MAP7: variants seen among roughly 807,000 people sequenced by gnomAD.
MAP7 encodes ensconsin.
In MAP7, 52 loss-of-function variants were observed where a neutral mutation model predicts 94.8. That is an observed-to-expected ratio of 0.55 (90% CI 0.44 to 0.69). MAP7 has a LOEUF of 0.69. Among genes scored for constraint, MAP7 ranks in the 30% least tolerant of loss-of-function variants. The pLI, the probability that MAP7 is intolerant of heterozygous loss-of-function variation, is 0.00. For synonymous variants in MAP7, 350 were observed against 357.0 expected (o/e 0.98, Z 0.22); for missense variants, 940 against 964.6 (o/e 0.97, Z 0.34).
At chr6:136,482,973 T>A (rs1813379568) in intron 1 of MAP7, among the ~76,000 whole-genome samples, 1 of 152,152 alleles carries the variant, frequency 6.6e-6, no homozygotes, top group African/African-American at 2.4e-5. Context: ...GGTTTTTTCA[T>A]TCTGTACAAG....
At chr6:136,345,653 G>A (rs903256956) in intron 17 of MAP7, among the ~76,000 whole-genome samples, 1 of 152,218 alleles carries the variant, frequency 6.6e-6, no homozygotes, top group African/African-American at 2.4e-5. Flanking sequence ...CTGACTGAGA[G>A]AATAGGAGAG....
At chr6:136,477,899 A>G (rs1811454228) in intron 1 of MAP7, among the ~76,000 whole-genome samples, 1 of 152,226 alleles carries the variant, frequency 6.6e-6, no homozygotes, top group Admixed American at 6.5e-5. Context: ...GTTGGAACAT[A>G]TGTTAGGCCA....
chr6:136,345,503 G>A (rs183346233), intron 17 of MAP7, among the ~76,000 whole-genome samples: 9 of 152,258 alleles, frequency 5.9e-5, no homozygotes, highest in East Asian at 1.9e-4. Context: ...GCACTAGGCC[G>A]GATGGTCCAA....
chr6:136,545,739 A>T (rs969196325), intron 1 of MAP7, among the ~76,000 whole-genome samples: 4 of 150,400 alleles, frequency 2.7e-5, no homozygotes, highest in Non-Finnish European at 4.4e-5. Flanking sequence ...TTATTTTTTT[A>T]TTTTTTAAAT....
At position 136,525,975 on chromosome 6, in the gene MAP7, CTTGTT is replaced by C. The variant is rs1562488276; in HGVS notation, c.67+24362_67+24366del. ...AGCTGATCCAGGCATACCGCTGCTACTTGTTTTTTTTTTTTTTAATTGTGATTATA... is the reference window on the plus strand; with the variant it reads ...AGCTGATCCAGGCATACCGCTGCTACTTTTTTTTTTTTAATTGTGATTATA... On this transcript the variant is annotated intron_variant, in intron 1 of 17. Coordinates refer to ENST00000354570, the MANE Select transcript of MAP7 (RefSeq NM_003980.6). The C allele has an allele frequency of 2.1e-6, 3 of 1,459,500 alleles. No individual in the cohort carries two copies. In the East Asian group the frequency reaches 7.8e-5, roughly 38 times the overall value. 90.4% of individuals were successfully genotyped at this position (1,459,500 alleles called of 1,614,324 possible).
intron 16 of MAP7, among the ~76,000 whole-genome samples, chr6:136,348,260 A>C (rs958124528): frequency 6.6e-6 from 1 of 152,186 alleles, no homozygotes; most frequent in Non-Finnish European, 1.5e-5. Context: ...GCCTGCATGT[A>C]CTAACAAGTC....
chr6:136,349,112 C>A (rs1788454597), intron 16 of MAP7, among the ~76,000 whole-genome samples: 1 of 152,070 alleles, frequency 6.6e-6, no homozygotes, highest in South Asian at 2.1e-4. Flanking sequence ...GATCCGTATC[C>A]TTTGTTTCCT....
intron 1 of MAP7, among the ~76,000 whole-genome samples, chr6:136,455,440 A>G (rs1802596561): frequency 6.6e-6 from 1 of 152,140 alleles, no homozygotes; most frequent in African/African-American, 2.4e-5. Context: ...CAGACAGAAA[A>G]TCAATAAGAA....
chr6:136,392,284 G>T (rs142166193), intron 3 of MAP7, among the ~76,000 whole-genome samples: 12 of 151,574 alleles, frequency 7.9e-5, no homozygotes, highest in East Asian at 7.8e-4. Flanking sequence ...TTGCCATATT[G>T]CCCAGGCTGG....
intron 1 of MAP7, among the ~76,000 whole-genome samples, chr6:136,518,132 G>A (rs574719374): frequency 6.6e-6 from 1 of 152,226 alleles, no homozygotes; most frequent in Non-Finnish European, 1.5e-5. Flanking sequence ...TAGAATGACA[G>A]GTTCTGCTGA....
intron 8 of MAP7, among the ~76,000 whole-genome samples, chr6:136,370,120 T>C (rs916579496): frequency 1.2e-4 from 18 of 152,186 alleles, no homozygotes; most frequent in African/African-American, 3.9e-4. Context: ...AAGACTGGAA[T>C]TGCCATTTTT....
rs1355157344 is a variant in MAP7, at chr6:136,492,416, T to A, written c.67+57926A>T. Among the ~76,000 whole-genome samples, 4 of 152,232 alleles carry A rather than the reference T, an allele frequency of 2.6e-5. No homozygotes were observed. The East Asian group carries it at 5.8e-4, about 22-fold the overall frequency. On this transcript the variant is annotated intron_variant, in intron 1 of 17. Coordinates refer to ENST00000354570, the MANE Select transcript of MAP7 (RefSeq NM_003980.6). ...GGAACTATGAACCCTCCCATGTAAT[T>A]TTCTGATGAATGAAAAGGAAAACTT...
chr6:136,348,609 G>T (rs1204351628), intron 16 of MAP7, among the ~76,000 whole-genome samples: 1 of 152,164 alleles, frequency 6.6e-6, no homozygotes, highest in African/African-American at 2.4e-5. Flanking sequence ...CAGGGGTTGG[G>T]ACCTTGGCAA....
chr6:136,469,673 A>G (rs79058576), intron 1 of MAP7, among the ~76,000 whole-genome samples: 2,427 of 152,304 alleles, frequency 0.016, 88 homozygotes, highest in East Asian at 0.14. Context: ...GGCATGAGCC[A>G]CTGCTCCTGG....
intron 13 of MAP7, 100 bp downstream of exon 13, chr6:136,360,597 T>C (rs1792321799): frequency 2.1e-6 from 2 of 935,216 alleles, no homozygotes; most frequent in Non-Finnish European, 3.4e-6. Flanking sequence ...CTAGTTTATG[T>C]GGCAAGGGTA....
intron 3 of MAP7, among the ~76,000 whole-genome samples, chr6:136,400,181 C>T (rs183865949): frequency 5.5e-4 from 84 of 152,140 alleles, no homozygotes; most frequent in African/African-American, 2.0e-3. Context: ...CTTTGGGAGG[C>T]TGAGGCGGGC....
At chr6:136,352,868 T>A (rs756565154) in intron 16 of MAP7, among the ~76,000 whole-genome samples, 23 of 152,228 alleles carry the variant, frequency 1.5e-4, no homozygotes, top group Non-Finnish European at 2.8e-4. Flanking sequence ...AAAGTACTTC[T>A]TTATGCCCTT....
chr6:136,429,523 T>A (rs1794271661), intron 1 of MAP7, among the ~76,000 whole-genome samples: 8 of 152,214 alleles, frequency 5.3e-5, no homozygotes. Context: ...GTTAATAAAT[T>A]TATTTTGATA....
At chr6:136,475,517 A>T (rs1347154355) in intron 1 of MAP7, among the ~76,000 whole-genome samples, 1 of 152,172 alleles carries the variant, frequency 6.6e-6, no homozygotes, top group African/African-American at 2.4e-5. Context: ...CTTACTATGA[A>T]CTACTGAGAG....
Sources: gnomAD v4.1 joint callset for allele counts (sites outside exome capture counted in the v4.1 genomes callset) on GRCh38, gnomAD v4.1.1 for gene constraint, MANE v1.5 for transcripts, NCBI Gene and HGNC (gene_info 2026-07-23, HGNC 2026-07-21) for gene names.